Variants in ALKBH3 observed in about 807,000 individuals in gnomAD.
ALKBH3 encodes the protein alpha-ketoglutarate-dependent dioxygenase alkB homolog 3.
Under a neutral mutation model 43.9 loss-of-function variants are expected in ALKBH3, and 51 were observed. The ratio of observed to expected loss-of-function variants is 1.16; its 90% confidence interval spans 0.93 to 1.47. The LOEUF (loss-of-function observed/expected upper bound fraction) is 1.47, where lower values mean the gene tolerates loss of function less well. ALKBH3 is among the 40% of genes most tolerant of loss of function. ALKBH3 has a pLI of 0.00. For missense variants in ALKBH3, 361 were observed against 351.9 expected, an observed-to-expected ratio of 1.03 and a Z score of -0.21; for synonymous variants, 102 against 115.2, an observed-to-expected ratio of 0.89 and a Z score of 0.73.
chr11:43,906,443 T>C (rs1208181148), intron 8 of ALKBH3, among the ~76,000 whole-genome samples: 1 of 152,232 alleles, frequency 6.6e-6, no homozygotes, highest in Non-Finnish European at 1.5e-5. Context: ...CAGGATTTCA[T>C]AGAGTGGAAA....
intron 7 of ALKBH3, chr11:43,897,760 T>C: frequency 1.2e-6 from 1 of 802,468 alleles, no homozygotes; most frequent in East Asian, 2.4e-5. Context: ...AATGAAACAT[T>C]TTCCAATTGC....
rs561931169 is a variant in ALKBH3, at chr11:43,886,611, A to G, written c.224A>G (p.Glu75Gly). The G allele has an allele frequency of 2.5e-6, 4 of 1,614,158 alleles. No homozygotes were observed. The highest frequency in any genetic ancestry group is 4.5e-5 in the East Asian group (2 of 44,870). The change falls in exon 5 of 10, where the codon GAG becomes GGG. Residue 75 changes from glutamate (E) to glycine (G), a missense_variant. Transcript: ENST00000302708. ...RAPEPRVIDR[E>G]GVYEISLSPT... ...TGTTTCCTTTGTTTCTTTAGCAGAG[A>G]GGGTGTGTATGAAATCAGCCTGTCA...
intron 8 of ALKBH3, among the ~76,000 whole-genome samples, chr11:43,913,457 A>G (rs751625451): frequency 1.3e-5 from 2 of 152,234 alleles, no homozygotes; most frequent in African/African-American, 4.8e-5. Context: ...ACTATCAAAT[A>G]ATAAATTAAA....
In ALKBH3 at chr11:43,880,987, C is replaced by G. The variant is rs890679018; in HGVS notation, c.-263C>G. 9.8e-5 allele frequency: 15 copies of G among 152,432 alleles called. No homozygotes were observed. The highest frequency in any genetic ancestry group is 9.8e-4 in the Admixed American group (15 of 15,302). The allele number at this position is 152,432 out of a possible 1,614,324, so 9.4% of individuals were successfully genotyped here. On this transcript the variant is annotated 5_prime_UTR_variant, in exon 1 of 10. Transcript: ENST00000302708. ...GCGGGGCTGGGGGTGCGAGTACCAC[C>G]CCTGAAGTCTCTTCCTGGGCGACCT...
At chr11:43,885,903 G>A (rs773202247) in intron 4 of ALKBH3, among the ~76,000 whole-genome samples, 1 of 152,182 alleles carries the variant, frequency 6.6e-6, no homozygotes, top group African/African-American at 2.4e-5. Context: ...GTTTAAAGGC[G>A]GTGATGCTGA....
intron 7 of ALKBH3, chr11:43,899,132 G>A (rs1020092242): frequency 1.3e-6 from 1 of 771,124 alleles, no homozygotes; most frequent in African/African-American, 1.7e-5. Flanking sequence ...ACTCCAAGAG[G>A]TCGCCACAGC....
chr11:43,918,938 G>T, intron 8 of ALKBH3, 100 bp from the exon 9 acceptor site: 1 of 888,360 alleles, frequency 1.1e-6, no homozygotes, highest in South Asian at 1.5e-5. Flanking sequence ...CCCACAGTCT[G>T]GCTGAGCAGA....
chr11:43,902,649 G>T (rs1336406994), intron 8 of ALKBH3, among the ~76,000 whole-genome samples: 1 of 152,238 alleles, frequency 6.6e-6, no homozygotes, highest in Non-Finnish European at 1.5e-5. Context: ...AGGCTGGAGT[G>T]CAAGTGGCAC....
Position 43,883,982 on chromosome 11 carries a change from G to C in ALKBH3, c.184-1G>C. On this transcript the variant is annotated splice_acceptor_variant, in intron 3 of 9. Coordinates refer to ENST00000302708, the MANE Select transcript of ALKBH3 (RefSeq NM_139178.4). LOFTEE classifies it high-confidence loss of function. ...AGTAAGATCCGCCTATTTCCTTGCA[G>C]GTAGTACGTAGAGCTCCTGAGCCAC... is the stretch of plus-strand genomic sequence containing the variant. The C allele has an allele frequency of 6.2e-7, 1 of 1,613,842 alleles. No homozygotes were observed. Among genetic ancestry groups the C allele is most frequent in the Non-Finnish European group, 8.5e-7 (1 of 1,179,882 alleles).
intron 7 of ALKBH3, chr11:43,897,674 A>G: frequency 2.4e-6 from 2 of 847,028 alleles, no homozygotes; most frequent in Non-Finnish European, 4.2e-6. Flanking sequence ...AGAAGATTGC[A>G]GGAGTTGATT....
In ALKBH3 at chr11:43,904,537, A is replaced by G. The variant is rs575688694; in HGVS notation, c.669+2812A>G. ...CTGTAAAGTCCATTTTTGTGTAAAC[A>G]GGATACAAGTTTAAACTTTTGAAGA... On this transcript the variant is annotated intron_variant, in intron 8 of 9. Transcript: ENST00000302708. Among the ~76,000 whole-genome samples, 8 of 152,338 alleles carry G rather than the reference A, an allele frequency of 5.3e-5. No homozygotes were observed. In the East Asian group the frequency reaches 1.5e-3, roughly 29 times the overall value.
At chr11:43,889,434 C>T (rs1055316123) in intron 5 of ALKBH3, among the ~76,000 whole-genome samples, 3 of 152,210 alleles carry the variant, frequency 2.0e-5, no homozygotes, top group Non-Finnish European at 4.4e-5. Context: ...CAGGGTTTCA[C>T]AGCTAAGCAG....
intron 8 of ALKBH3, among the ~76,000 whole-genome samples, chr11:43,905,653 G>A (rs1461287313): frequency 1.3e-5 from 2 of 152,052 alleles, no homozygotes; most frequent in African/African-American, 4.8e-5. Context: ...TCTATATTCT[G>A]GCTGTTGTCA....
chr11:43,895,773 C>G (rs1203890098), intron 7 of ALKBH3, among the ~76,000 whole-genome samples: 1 of 152,194 alleles, frequency 6.6e-6, no homozygotes, highest in Non-Finnish European at 1.5e-5. Flanking sequence ...TGAATCAAGC[C>G]ATTGTCACCA....
intron 7 of ALKBH3, chr11:43,898,552 C>A (rs1951836671): frequency 1.3e-6 from 1 of 775,040 alleles, no homozygotes. Context: ...TGAAGAAGAG[C>A]TAAGGCGATG....
intron 7 of ALKBH3, among the ~76,000 whole-genome samples, chr11:43,894,347 T>C (rs941408952): frequency 3.9e-5 from 6 of 152,220 alleles, no homozygotes; most frequent in Non-Finnish European, 8.8e-5. Flanking sequence ...GTGATTCATA[T>C]TTTTTGTATT....
intron 7 of ALKBH3, chr11:43,897,783 C>T: frequency 1.2e-6 from 1 of 823,278 alleles, no homozygotes; most frequent in Non-Finnish European, 2.2e-6. Flanking sequence ...TACCGTTCAC[C>T]CTGAAAATGA....
intron 7 of ALKBH3, chr11:43,899,365 C>A: frequency 1.4e-6 from 1 of 700,746 alleles, no homozygotes; most frequent in East Asian, 2.8e-5. Context: ...GCAGCCTGCC[C>A]CAGGTGGATG....
chr11:43,907,990 G>A (rs1951908057), intron 8 of ALKBH3, among the ~76,000 whole-genome samples: 2 of 152,220 alleles, frequency 1.3e-5, no homozygotes, highest in African/African-American at 4.8e-5. Context: ...TGGGACCAAG[G>A]TAGAGAAGGA....
Sources: allele counts gnomAD v4.1 joint callset (sites outside exome capture counted in the v4.1 genomes callset), GRCh38; gene constraint gnomAD v4.1.1; transcripts MANE v1.5; gene names NCBI Gene and HGNC (gene_info 2026-07-23, HGNC 2026-07-21).